Variants in NUBPL observed in about 807,000 individuals in gnomAD.
NUBPL encodes the protein iron-sulfur cluster transfer protein NUBPL.
In NUBPL, 31 loss-of-function variants were observed where a neutral mutation model predicts 45.7. The observed-to-expected ratio is 0.68, with a 90% confidence interval of 0.51 to 0.92. The LOEUF (loss-of-function observed/expected upper bound fraction) is 0.92. Ranked by LOEUF, NUBPL falls within the 40% of genes least tolerant of loss-of-function variation. The pLI is 0.00. For missense variants in NUBPL, 401 were observed against 398.7 expected (o/e 1.01, Z -0.05); for synonymous variants, 144 against 140.9 (o/e 1.02, Z -0.15).
chr14:31,626,589 T>C (rs1370613449), intron 4 of NUBPL, among the ~76,000 whole-genome samples: 2 of 152,200 alleles, frequency 1.3e-5, no homozygotes, highest in African/African-American at 4.8e-5. Flanking sequence ...GAGAGTTGTT[T>C]AGAGAATATG....
intron 6 of NUBPL, among the ~76,000 whole-genome samples, chr14:31,675,321 A>C (rs1328580617): frequency 2.0e-5 from 3 of 152,178 alleles, no homozygotes; most frequent in Non-Finnish European, 4.4e-5. Flanking sequence ...TCATGTGTGC[A>C]TTTTATTGGG....
At chr14:31,824,138 T>C (rs1390827485) in intron 7 of NUBPL, among the ~76,000 whole-genome samples, 2 of 152,136 alleles carry the variant, frequency 1.3e-5, no homozygotes, top group African/African-American at 4.8e-5. Flanking sequence ...ATGTTAGGCA[T>C]CATGTCAAGT....
intron 4 of NUBPL, among the ~76,000 whole-genome samples, chr14:31,624,683 G>A (rs1187105309): frequency 1.3e-5 from 2 of 152,146 alleles, no homozygotes; most frequent in Admixed American, 6.6e-5. Flanking sequence ...TTCTGCCTCA[G>A]CCTCCCGAGT....
intron 6 of NUBPL, among the ~76,000 whole-genome samples, chr14:31,766,133 G>A (rs2038907885): frequency 6.6e-6 from 1 of 152,186 alleles, no homozygotes; most frequent in South Asian, 2.1e-4. Flanking sequence ...AAGGAGTTTG[G>A]TTGTGTTTGT....
chr14:31,811,661 C>G (rs2039808110), intron 7 of NUBPL, among the ~76,000 whole-genome samples: 1 of 152,164 alleles, frequency 6.6e-6, no homozygotes, highest in Non-Finnish European at 1.5e-5. Flanking sequence ...TGTTCCGTTG[C>G]TGGTGAGGAG....
chr14:31,822,780 G>C (rs2040039326), intron 7 of NUBPL, among the ~76,000 whole-genome samples: 1 of 152,016 alleles, frequency 6.6e-6, no homozygotes, highest in Admixed American at 6.6e-5. Flanking sequence ...GCATTTGACA[G>C]GACATGGAAG....
intron 7 of NUBPL, among the ~76,000 whole-genome samples, chr14:31,802,462 G>A (rs1430940652): frequency 6.6e-6 from 1 of 151,986 alleles, no homozygotes; most frequent in Non-Finnish European, 1.5e-5. Context: ...ATTTTTAGTA[G>A]AGACCGGGTT....
At chr14:31,639,403 G>A (rs141745413) in intron 4 of NUBPL, among the ~76,000 whole-genome samples, 60 of 152,288 alleles carry the variant, frequency 3.9e-4, no homozygotes, top group African/African-American at 1.3e-3. Context: ...AGCGGATTTC[G>A]TGAACCGCAA....
At chr14:31,610,557 C>T (rs2034725043) in intron 4 of NUBPL, among the ~76,000 whole-genome samples, 1 of 134,596 alleles carries the variant, frequency 7.4e-6, no homozygotes, top group Admixed American at 8.3e-5. Context: ...TTGCCACACT[C>T]ATTCTGTGAG....
intron 7 of NUBPL, among the ~76,000 whole-genome samples, chr14:31,812,358 C>T (rs1376800853): frequency 6.6e-6 from 1 of 152,224 alleles, no homozygotes; most frequent in Non-Finnish European, 1.5e-5. Flanking sequence ...GCAGACGCCC[C>T]TCCCCCAGCC....
chr14:31,776,083 G>T (rs1446462962), intron 6 of NUBPL, among the ~76,000 whole-genome samples: 1 of 152,180 alleles, frequency 6.6e-6, no homozygotes. Flanking sequence ...ATTTACTTTT[G>T]TACCTAAGTT....
chr14:31,562,212 G>A lies in NUBPL; in HGVS notation c.253G>A (p.Ala85Thr). The A allele has an allele frequency of 6.2e-7, 1 of 1,613,398 alleles. No homozygotes were observed. Among genetic ancestry groups the A allele is most frequent in the South Asian group, 1.1e-5 (1 of 91,018 alleles). ...GKGGVGKSTT[A>T]VNLALALAAN... is the part of the protein sequence containing the mutation. ...GGGTGGAGTCGGAAAATCTACTACA[G>A]CAGGTATTATAGGATATTAATTCTA... The change falls in exon 2 of 11, where the codon GCA becomes ACA. Residue 85 changes from alanine (A) to threonine (T), a missense_variant. Physicochemically the swap from Ala to Thr is moderately conservative, Grantham distance 58 (BLOSUM62 0). Coordinates refer to ENST00000281081, the MANE Select transcript of NUBPL (RefSeq NM_025152.3).
Position 31,846,379 on chromosome 14 carries a change from AG to A in NUBPL, c.694-91del, listed in dbSNP as rs2040452780. The A allele has an allele frequency of 2.7e-5, 27 of 984,742 alleles. 1 individual carries two copies. Among genetic ancestry groups the A allele is most frequent in the South Asian group, 1.1e-4 (8 of 72,360 alleles). 61.0% of individuals were successfully genotyped at this position (984,742 alleles called of 1,614,324 possible). A position where few individuals can be genotyped will look rare whatever the true frequency, so the allele number is the denominator to read the frequency against. ...TGTGATAACATTGATGAGTGCCACT[AG>A]AACTCAGTAGGCACTCTGTAAAAAT... On this transcript the variant is annotated intron_variant, in intron 8 of 10. Transcript: ENST00000281081.
chr14:31,660,319 A>T (rs774051819), intron 4 of NUBPL, among the ~76,000 whole-genome samples: 25 of 152,176 alleles, frequency 1.6e-4, no homozygotes, highest in Non-Finnish European at 3.4e-4. Flanking sequence ...TGGTGGAACC[A>T]CTTTGTCTCA....
chr14:31,740,809 C>G (rs1469153159), intron 6 of NUBPL, among the ~76,000 whole-genome samples: 2 of 152,186 alleles, frequency 1.3e-5, no homozygotes, highest in East Asian at 1.9e-4. Flanking sequence ...CTCATCCCCC[C>G]AGTCTTTTTT....
chr14:31,814,024 A>T (rs527579755), intron 7 of NUBPL, among the ~76,000 whole-genome samples: 2 of 152,306 alleles, frequency 1.3e-5, no homozygotes, highest in East Asian at 3.9e-4. Context: ...TAGTAGAATG[A>T]TTTATAATCC....
chr14:31,672,348 G>A (rs1027995389), intron 4 of NUBPL, among the ~76,000 whole-genome samples: 1 of 151,324 alleles, frequency 6.6e-6, no homozygotes, highest in Non-Finnish European at 1.5e-5. Flanking sequence ...TATTAGATTA[G>A]CATATATATA....
intron 6 of NUBPL, among the ~76,000 whole-genome samples, chr14:31,748,849 G>T (rs1391152606): frequency 6.6e-6 from 1 of 152,030 alleles, no homozygotes; most frequent in Non-Finnish European, 1.5e-5. Flanking sequence ...TTGACCTCAG[G>T]TGATCTACCC....
intron 4 of NUBPL, among the ~76,000 whole-genome samples, chr14:31,650,627 C>T (rs1373593254): frequency 6.6e-6 from 1 of 152,120 alleles, no homozygotes; most frequent in Non-Finnish European, 1.5e-5. Flanking sequence ...TGTCTCCATA[C>T]TTAATGTCTA....
Sources: gnomAD v4.1 joint callset for allele counts (sites outside exome capture counted in the v4.1 genomes callset) on GRCh38, gnomAD v4.1.1 for gene constraint, MANE v1.5 for transcripts, NCBI Gene and HGNC (gene_info 2026-07-23, HGNC 2026-07-21) for gene names.